MEI4: variants seen among roughly 807,000 people sequenced by gnomAD.
MEI4 encodes the protein meiotic double-stranded break formation protein 4.
Under a neutral mutation model 31.4 loss-of-function variants are expected in MEI4, and 27 were observed. The observed-to-expected ratio is 0.86, with a 90% CI of 0.63 to 1.19. MEI4 has a LOEUF of 1.19. Ranked by LOEUF, MEI4 falls within the 50% of genes most tolerant of loss-of-function variation. The pLI is 0.00. For missense variants in MEI4, 329 were observed against 398.9 expected (o/e 0.82, Z 1.49); for synonymous variants, 122 against 145.4 (o/e 0.84, Z 1.16).
At chr6:77,731,529 C>A (rs1160527256) in intron 2 of MEI4, among the ~76,000 whole-genome samples, 1 of 151,060 alleles carries the variant, frequency 6.6e-6, no homozygotes, top group South Asian at 2.1e-4. Context: ...TGGATATTAG[C>A]CCTTTGTCAG....
At chr6:77,844,573 T>C (rs996309769) in intron 4 of MEI4, among the ~76,000 whole-genome samples, 4 of 152,158 alleles carry the variant, frequency 2.6e-5, no homozygotes, top group Admixed American at 2.0e-4. Context: ...ATCTTTTTTG[T>C]TAAAGATGAG....
chr6:77,914,052 T>G (rs1201310578), intron 4 of MEI4, among the ~76,000 whole-genome samples: 1 of 144,520 alleles, frequency 6.9e-6, no homozygotes, highest in African/African-American at 2.5e-5. Context: ...AAAAAAACTT[T>G]CGTTGATGTT....
chr6:77,785,505 G>T (rs1369802737), intron 3 of MEI4, among the ~76,000 whole-genome samples: 3 of 152,130 alleles, frequency 2.0e-5, no homozygotes, highest in Non-Finnish European at 4.4e-5. Context: ...GCACAGACTA[G>T]ACATTTCTCA....
At chr6:77,862,592 G>C (rs1312054000) in intron 4 of MEI4, among the ~76,000 whole-genome samples, 1 of 152,172 alleles carries the variant, frequency 6.6e-6, no homozygotes, top group Non-Finnish European at 1.5e-5. Flanking sequence ...TCTAACTGGG[G>C]GGAGCCCACC....
intron 2 of MEI4, among the ~76,000 whole-genome samples, chr6:77,757,856 G>T (rs1279940589): frequency 6.6e-6 from 1 of 152,056 alleles, no homozygotes; most frequent in Non-Finnish European, 1.5e-5. Context: ...AGTCCATCTG[G>T]CTGTGTTAAT....
chr6:77,880,880 T>C (rs1316447615), intron 4 of MEI4, among the ~76,000 whole-genome samples: 2 of 151,780 alleles, frequency 1.3e-5, no homozygotes, highest in Admixed American at 1.3e-4. Flanking sequence ...CTTTTAGCTC[T>C]GGATCTAAAA....
chr6:77,657,760 T>G (rs1288347045), intron 1 of MEI4, among the ~76,000 whole-genome samples: 1 of 152,226 alleles, frequency 6.6e-6, no homozygotes, highest in East Asian at 1.9e-4. Flanking sequence ...GCTCATGCAT[T>G]CTTCCATGAA....
At chr6:77,756,673 C>T (rs6924713) in intron 2 of MEI4, among the ~76,000 whole-genome samples, 20,603 of 150,952 alleles carry the variant, frequency 0.14, 1,504 homozygotes, top group Middle Eastern at 0.21. Flanking sequence ...CTCTCTCCCC[C>T]CCGCCGCCTT....
chr6:77,737,508 A>G (rs1767283958), intron 2 of MEI4, among the ~76,000 whole-genome samples: 1 of 152,230 alleles, frequency 6.6e-6, no homozygotes, highest in Admixed American at 6.5e-5. Flanking sequence ...TGGACAGAAT[A>G]TGCCATTAGG....
intron 4 of MEI4, among the ~76,000 whole-genome samples, chr6:77,880,568 A>C (rs1322782809): frequency 6.6e-6 from 1 of 152,182 alleles, no homozygotes. Flanking sequence ...CCAAAGTCTT[A>C]AGTTAAACAT....
At chr6:77,866,313 T>C (rs1222151331) in intron 4 of MEI4, among the ~76,000 whole-genome samples, 2 of 152,132 alleles carry the variant, frequency 1.3e-5, no homozygotes, top group African/African-American at 2.4e-5. Context: ...GATGACATGA[T>C]TGTATATCTA....
chr6:77,865,979 C>T (rs1771015221), intron 4 of MEI4, among the ~76,000 whole-genome samples: 1 of 152,024 alleles, frequency 6.6e-6, no homozygotes, highest in South Asian at 2.1e-4. Context: ...CGACAAAAAC[C>T]ACATGATTAT....
chr6:77,799,575 A>G (rs1309151137), intron 3 of MEI4, among the ~76,000 whole-genome samples: 4 of 152,108 alleles, frequency 2.6e-5, no homozygotes, highest in African/African-American at 9.7e-5. Flanking sequence ...GCCCATGCCT[A>G]TGTCCTGAAT....
At chr6:77,678,913 T>A (rs1240724742) in intron 1 of MEI4, among the ~76,000 whole-genome samples, 8 of 152,156 alleles carry the variant, frequency 5.3e-5, no homozygotes, top group Non-Finnish European at 1.0e-4. Context: ...TGTATGTGAT[T>A]ATGTCTTAGT....
chr6:77,909,018 A>G (rs897213365), intron 4 of MEI4, among the ~76,000 whole-genome samples: 7 of 152,138 alleles, frequency 4.6e-5, no homozygotes, highest in African/African-American at 1.7e-4. Flanking sequence ...AGACATCTAC[A>G]GAACTCTCCA....
At chr6:77,660,548 G>A (rs1042183639) in intron 1 of MEI4, among the ~76,000 whole-genome samples, 18 of 151,656 alleles carry the variant, frequency 1.2e-4, no homozygotes, top group African/African-American at 1.5e-4. Context: ...GGGATGACTA[G>A]TTTTTTTTGG....
intron 1 of MEI4, among the ~76,000 whole-genome samples, chr6:77,664,804 CAAG>C (rs1406517872): frequency 6.6e-6 from 1 of 152,074 alleles, no homozygotes; most frequent in African/African-American, 2.4e-5. Flanking sequence ...TTTTCTAAGA[CAAG>C]AATTATTTAG....
intron 3 of MEI4, among the ~76,000 whole-genome samples, chr6:77,806,858 C>T (rs1769453339): frequency 6.6e-6 from 1 of 151,686 alleles, no homozygotes; most frequent in Non-Finnish European, 1.5e-5. Context: ...TACTGGAACA[C>T]ATCTACACCC....
At chr6:77,884,706 G>A (rs1276760145) in intron 4 of MEI4, among the ~76,000 whole-genome samples, 1 of 152,058 alleles carries the variant, frequency 6.6e-6, no homozygotes, top group East Asian at 1.9e-4. Context: ...CTTTTACTTT[G>A]GTGGATGGGC....
Sources: allele counts gnomAD v4.1 joint callset (sites outside exome capture counted in the v4.1 genomes callset), GRCh38; gene constraint gnomAD v4.1.1; transcripts MANE v1.5; gene names NCBI Gene and HGNC (gene_info 2026-07-23, HGNC 2026-07-21).